Variants in NXF1 observed in about 807,000 individuals in gnomAD.
The protein encoded by NXF1 is mRNA export factor TAP.
Under a neutral mutation model 92.4 loss-of-function variants are expected in NXF1, and 43 were observed. The observed-to-expected ratio is 0.47, with a 90% CI of 0.36 to 0.60. The LOEUF (loss-of-function observed/expected upper bound fraction) is 0.60, where lower values mean the gene tolerates loss of function less well. Among genes scored for constraint, NXF1 ranks in the 20% least tolerant of loss-of-function variants. The pLI is 0.00. For missense variants in NXF1, 576 were observed against 793.0 expected, an observed-to-expected ratio of 0.73 and a Z score of 3.29; for synonymous variants, 288 against 292.2, an observed-to-expected ratio of 0.99 and a Z score of 0.15.
chr11:62,793,481 G>C (rs146333276), intron 19 of NXF1, among the ~76,000 whole-genome samples: 41 of 152,266 alleles, frequency 2.7e-4, no homozygotes, highest in African/African-American at 9.9e-4. Flanking sequence ...GGAGGCCTAG[G>C]TGGGCAACAT....
intron 13 of NXF1, 99 bp downstream of exon 13, chr11:62,797,082 AAC>A: frequency 4.6e-5 from 50 of 1,090,652 alleles, no homozygotes; most frequent in East Asian, 7.4e-5. Flanking sequence ...AAAAAAAAAA[AAC>A]AAAACAAAAA....
Position 62,794,285 on chromosome 11 carries a change from G to T in NXF1, c.1733C>A (p.Ser578Tyr). The T allele has an allele frequency of 6.2e-7, 1 of 1,614,066 alleles. No homozygotes were observed. The highest frequency in any genetic ancestry group is 8.5e-7 in the Non-Finnish European group (1 of 1,179,932). The change falls in exon 19 of 21, where the codon TCT becomes TAT. Residue 578 changes from serine to tyrosine, a missense_variant. Ser to Tyr is a moderately radical substitution (Grantham distance 144). Coordinates refer to ENST00000294172, the MANE Select transcript of NXF1 (RefSeq NM_006362.5). ...CTGGGACCACTCGAGGTTCATGCCA[G>T]ACTGGGTAGAGAATGCTTGCAACAT... ...QEMLQAFSTQ[S>Y]GMNLEWSQKC... is the part of the protein sequence containing the mutation.
intron 12 of NXF1, 37 bp from the exon 13 acceptor site, chr11:62,797,275 A>G: frequency 1.2e-6 from 2 of 1,614,018 alleles, no homozygotes; most frequent in Non-Finnish European, 1.7e-6. Context: ...TGGAAGCAGT[A>G]TTCTCTCCAC....
At chr11:62,798,702 C>A in intron 10 of NXF1, 127 bp from the exon 11 acceptor site, 1 of 1,503,840 alleles carries the variant, frequency 6.6e-7, no homozygotes, top group Middle Eastern at 2.1e-4. Context: ...CACTCCCTCC[C>A]AGCCTGTGCT....
rs889078485 is a variant in NXF1 at position 62,792,384 on chromosome 11, C to T, written c.*92G>A. On this transcript the variant is annotated 3_prime_UTR_variant, in exon 21 of 21. Transcript: ENST00000294172. ...CTCGGTCACAGTCACGGGGCGGCCT[C>T]GGGCCAGACAGGAGGAGATGACAGA... The T allele has an allele frequency of 8.5e-6, 13 of 1,521,838 alleles. No homozygotes were observed. The highest frequency in any genetic ancestry group is 1.1e-5 in the South Asian group (1 of 89,304). 94.3% of individuals were successfully genotyped at this position (1,521,838 alleles called of 1,614,324 possible).
Position 62,797,405 on chromosome 11 carries a change from A to T in NXF1, c.1054-19T>A, listed in dbSNP as rs373873462. ...GGCCATCCTGTGGAAAGGAAGTAAAAGTTGACAGTGTAGACTGGGCCCAGT... is the reference window on the plus strand; with the variant it reads ...GGCCATCCTGTGGAAAGGAAGTAAATGTTGACAGTGTAGACTGGGCCCAGT... On this transcript the variant is annotated intron_variant, in intron 11 of 20. Transcript: ENST00000294172. The T allele has an allele frequency of 4.3e-6, 7 of 1,610,858 alleles. No homozygotes were observed. In the African/African-American group the frequency reaches 9.4e-5, roughly 22 times the overall value.
rs902275772 is a variant in NXF1 at position 62,802,130 on chromosome 11, C to T, written c.453+47G>A. The T allele has an allele frequency of 3.7e-6, 6 of 1,609,682 alleles. No homozygotes were observed. In the East Asian group the frequency reaches 1.1e-4, roughly 30 times the overall value. On this transcript the variant is annotated intron_variant, in intron 4 of 20. Transcript: ENST00000294172. Reference sequence around the variant, plus strand: ...ACGCTGGGAGTCCAGCTTGCCCCTTCACCATCCCTGGTGCCTGGCCAGCCA... The same window carrying T: ...ACGCTGGGAGTCCAGCTTGCCCCTTTACCATCCCTGGTGCCTGGCCAGCCA...
chr11:62,798,761 T>C, intron 10 of NXF1, 186 bp from the exon 11 acceptor site: 2 of 1,416,000 alleles, frequency 1.4e-6, no homozygotes, highest in Non-Finnish European at 1.8e-6. Context: ...CACCCAGACA[T>C]GGACTGCCTT....
intron 19 of NXF1, among the ~76,000 whole-genome samples, chr11:62,793,819 TAAAA>T (rs56389050): frequency 4.6e-5 from 4 of 86,520 alleles, no homozygotes; most frequent in Admixed American, 1.4e-4. Flanking sequence ...CCGTCTCTAC[TAAAA>T]AAAAAAAAAA....
intron 10 of NXF1, 181 bp downstream of exon 10, chr11:62,800,196 T>A (rs2084463282): frequency 3.5e-6 from 5 of 1,420,048 alleles, no homozygotes; most frequent in Non-Finnish European, 4.6e-6. Flanking sequence ...AGAGAGAACA[T>A]CTCAGGACAA....
chr11:62,792,600 A>G (rs1300809645), intron 20 of NXF1, 41 bp downstream of exon 20: 4 of 1,613,272 alleles, frequency 2.5e-6, no homozygotes, highest in Non-Finnish European at 3.4e-6. Context: ...CTGGAGGCCC[A>G]GAGATCCTAG....
At chr11:62,800,228 C>T in intron 10 of NXF1, 149 bp downstream of exon 10, 1 of 1,457,598 alleles carries the variant, frequency 6.9e-7, no homozygotes, top group Non-Finnish European at 9.1e-7. Context: ...ACAGACAGAC[C>T]AAAGTGGGGA....
In NXF1 at chr11:62,792,325, C is replaced by G; in HGVS notation, c.*151G>C. 1 of 928,656 alleles carries G rather than the reference C, an allele frequency of 1.1e-6. No homozygotes were observed. Among genetic ancestry groups the G allele is most frequent in the Non-Finnish European group, 1.7e-6 (1 of 579,116 alleles). The allele number at this position is 928,656 out of a possible 1,614,324, so 57.5% of individuals were successfully genotyped here. On this transcript the variant is annotated 3_prime_UTR_variant, in exon 21 of 21. Coordinates refer to ENST00000294172, the MANE Select transcript of NXF1 (RefSeq NM_006362.5). Reference sequence around the variant, plus strand: ...CAATCTTCTGAAGTCTTCCAGAAGGCAGGCGAGGAGAGGGATCAGGCAGCC... The same window carrying G: ...CAATCTTCTGAAGTCTTCCAGAAGGGAGGCGAGGAGAGGGATCAGGCAGCC...
intron 7 of NXF1, 52 bp from the exon 8 acceptor site, chr11:62,801,469 C>T (rs1391724188): frequency 6.2e-7 from 1 of 1,607,938 alleles, no homozygotes; most frequent in Non-Finnish European, 8.5e-7. Context: ...TTTGCCCATG[C>T]CAGCATTAGC....
At chr11:62,794,612 A>C in intron 18 of NXF1, 172 bp from the exon 19 acceptor site, 2 of 635,696 alleles carry the variant, frequency 3.1e-6, no homozygotes, top group South Asian at 4.0e-5. Flanking sequence ...AGGATTATCT[A>C]CTAAACACAC....
chr11:62,804,068 G>T, intron 1 of NXF1, 90 bp from the exon 2 acceptor site: 1 of 1,598,490 alleles, frequency 6.3e-7, no homozygotes, highest in Non-Finnish European at 8.5e-7. Flanking sequence ...TGAACTATTG[G>T]AAGAGATACA....
At chr11:62,794,176 C>A (rs1353548451) in intron 19 of NXF1, 82 bp downstream of exon 19, 10 of 1,334,112 alleles carry the variant, frequency 7.5e-6, no homozygotes, top group East Asian at 2.4e-5. Flanking sequence ...AAAAAAAAAA[C>A]AAAAAAACTG....
At chr11:62,801,850 C>T (rs1159670200) in intron 5 of NXF1, 31 bp from the exon 6 acceptor site, 1 of 1,608,540 alleles carries the variant, frequency 6.2e-7, no homozygotes. Context: ...GCACAGAAAA[C>T]TCTAGGGAAG....
At position 62,799,245 on chromosome 11, in the gene NXF1, C is replaced by G. The variant is rs571292392; in HGVS notation, c.1017-670G>C. On this transcript the variant is annotated intron_variant, in intron 10 of 20. Transcript: ENST00000294172. ...TGAGGGAGAAAAGGGAGAAAGACAC[C>G]CTGACACAGCCCTTTCTTTCAGCTG... 118 of 985,412 alleles carry G rather than the reference C, an allele frequency of 1.2e-4. 1 individual carries two copies. The South Asian group carries it at 5.0e-3, about 42-fold the overall frequency. 61.0% of individuals were successfully genotyped at this position (985,412 alleles called of 1,614,324 possible).
Sources: gnomAD v4.1 joint callset for allele counts (sites outside exome capture counted in the v4.1 genomes callset) on GRCh38, gnomAD v4.1.1 for gene constraint, MANE v1.5 for transcripts, NCBI Gene and HGNC (gene_info 2026-07-23, HGNC 2026-07-21) for gene names.